The following FAT3 variants were observed in gnomAD, a reference collection of about 807,000 sequenced individuals.
FAT3 encodes the protein FAT atypical cadherin 3.
Under a neutral mutation model 310.2 loss-of-function variants are expected in FAT3, and 95 were observed. The ratio of observed to expected loss-of-function variants is 0.31; its 90% CI spans 0.26 to 0.36. The LOEUF is 0.36. FAT3 is among the 10% of genes least tolerant of loss of function. FAT3 has a pLI of 1.00. For missense variants in FAT3, 5,408 were observed against 5,715.6 expected (o/e 0.95, Z 1.74); for synonymous variants, 2,314 against 2,192.9 (o/e 1.06, Z -1.54).
At chr11:92,283,714 A>G (rs1385184684) in intron 1 of FAT3, among the ~76,000 whole-genome samples, 2 of 152,172 alleles carry the variant, frequency 1.3e-5, no homozygotes, top group Non-Finnish European at 2.9e-5. Context: ...AGCATTTGTT[A>G]AAGTGGCCCG....
At chr11:92,700,284 C>T (rs190353183) in intron 4 of FAT3, among the ~76,000 whole-genome samples, 27 of 151,960 alleles carry the variant, frequency 1.8e-4, no homozygotes, top group Non-Finnish European at 2.5e-4. Context: ...GGGATGGGAG[C>T]GGAGGTTATA....
intron 2 of FAT3, among the ~76,000 whole-genome samples, chr11:92,375,540 C>A (rs1949318292): frequency 8.5e-6 from 1 of 117,112 alleles, no homozygotes; most frequent in African/African-American, 4.8e-5. Flanking sequence ...TTTCCCTTAG[C>A]CCCAGGGATA....
chr11:92,447,155 G>A (rs1365377035), intron 2 of FAT3, among the ~76,000 whole-genome samples: 1 of 151,834 alleles, frequency 6.6e-6, no homozygotes, highest in Non-Finnish European at 1.5e-5. Flanking sequence ...TGTGCCATAT[G>A]TGTGTATGTA....
chr11:92,730,321 G>C (rs1019115652), intron 4 of FAT3, among the ~76,000 whole-genome samples: 1 of 152,186 alleles, frequency 6.6e-6, no homozygotes, highest in South Asian at 2.1e-4. Context: ...CTGAGAGACA[G>C]AGTGAGATCG....
Position 92,866,747 on chromosome 11 carries a change from G to A in FAT3, c.11665G>A (p.Asp3889Asn), listed in dbSNP as rs2136346887. 6.2e-7 allele frequency: 1 copy of A among 1,612,468 alleles called. No individual in the cohort carries two copies. The highest frequency in any genetic ancestry group is 1.1e-5 in the South Asian group (1 of 90,940). ...ANPCIILKIV[D>N]GKLWFQLDCG... is the part of the protein sequence containing the mutation. Reference sequence around the variant, plus strand: ...CTGTTCCTTCCCCACGCAGATTGTGGATGGCAAGCTGTGGTTCCAGCTGGA... The same window carrying A: ...CTGTTCCTTCCCCACGCAGATTGTGAATGGCAAGCTGTGGTTCCAGCTGGA... The change falls in exon 22 of 28, where the codon GAT becomes AAT. Residue 3889 changes from aspartate to asparagine, a missense_variant. By Grantham distance (23) the Asp-to-Asn change is conservative (BLOSUM62 1). This residue lies in a region of FAT3 where 4,588 missense variants were observed against 4,809.8 expected (regional missense o/e 0.95). Coordinates refer to ENST00000525166, the MANE Select transcript of FAT3 (RefSeq NM_001367949.2).
At chr11:92,555,344 G>A (rs1310152357) in intron 3 of FAT3, among the ~76,000 whole-genome samples, 1 of 152,212 alleles carries the variant, frequency 6.6e-6, no homozygotes, top group African/African-American at 2.4e-5. Context: ...GTAATATTAT[G>A]TAACTTTGCA....
chr11:92,861,921 C>T (rs143322873), intron 21 of FAT3, among the ~76,000 whole-genome samples: 4 of 152,260 alleles, frequency 2.6e-5, no homozygotes, highest in East Asian at 1.9e-4. Context: ...GGGTGAAGGG[C>T]GCCCCTTACA....
rs185991630 is a variant in FAT3, at chr11:92,747,336, G to A, written c.3670-14520G>A. ...ACCCTCTGAAGCAATGGCCTGAGCT[G>A]TATGTTGGCCCCTTTTAGCCATGGC... On this transcript the variant is annotated intron_variant, in intron 4 of 27. Coordinates refer to ENST00000525166, the MANE Select transcript of FAT3 (RefSeq NM_001367949.2). 2.0e-4 allele frequency among the ~76,000 whole-genome samples: 31 copies of A among 152,362 alleles called. No homozygotes were observed. The East Asian group carries it at 4.6e-3, about 23-fold the overall frequency.
chr11:92,655,711 T>C (rs1055514952), intron 3 of FAT3, among the ~76,000 whole-genome samples: 1 of 152,182 alleles, frequency 6.6e-6, no homozygotes, highest in African/African-American at 2.4e-5. Context: ...GCCTTGAATA[T>C]GGCTCTTACC....
intron 3 of FAT3, among the ~76,000 whole-genome samples, chr11:92,562,305 C>A (rs1482958358): frequency 6.6e-6 from 1 of 152,084 alleles, no homozygotes; most frequent in Non-Finnish European, 1.5e-5. Context: ...CTTATGGAAG[C>A]TATCCTATCT....
At position 92,882,862 on chromosome 11, in the gene FAT3, C is replaced by CA. The variant is rs1209614861; in HGVS notation, c.12406_12407insA (p.Arg4136GlnfsTer67). The CA allele has an allele frequency of 1.2e-6, 2 of 1,611,722 alleles. No individual in the cohort carries two copies. The highest frequency in any genetic ancestry group is 1.7e-6 in the Non-Finnish European group (2 of 1,179,186). On this transcript the variant is annotated frameshift_variant, in exon 24 of 28. Transcript: ENST00000525166. LOFTEE classifies it high-confidence loss of function. ...CTACGTGGGCCAGTACTGCGGGCTGCGCCCCGTGGTGGTACCCAATATCCA... is the reference window on the plus strand; with the variant it reads ...CTACGTGGGCCAGTACTGCGGGCTGCAGCCCCGTGGTGGTACCCAATATCCA...
chr11:92,576,065 G>A (rs1268117175), intron 3 of FAT3, among the ~76,000 whole-genome samples: 1 of 152,124 alleles, frequency 6.6e-6, no homozygotes, highest in Non-Finnish European at 1.5e-5. Flanking sequence ...TATAATCTCT[G>A]CCAGTGTAGG....
At chr11:92,504,817 C>G (rs147413308) in intron 2 of FAT3, among the ~76,000 whole-genome samples, 1 of 152,050 alleles carries the variant, frequency 6.6e-6, no homozygotes, top group East Asian at 1.9e-4. Context: ...AGACATTGCT[C>G]TCCTGTAAAA....
intron 2 of FAT3, among the ~76,000 whole-genome samples, chr11:92,410,321 T>A (rs1055716672): frequency 6.6e-6 from 1 of 152,058 alleles, no homozygotes; most frequent in African/African-American, 2.4e-5. Flanking sequence ...TGTGTATGTG[T>A]GTGCACGCGA....
intron 3 of FAT3, among the ~76,000 whole-genome samples, chr11:92,627,757 T>A (rs1941391102): frequency 6.6e-6 from 1 of 152,176 alleles, no homozygotes; most frequent in Non-Finnish European, 1.5e-5. Context: ...CCACTTCCTC[T>A]AACAGTCAGT....
intron 3 of FAT3, among the ~76,000 whole-genome samples, chr11:92,537,672 A>G (rs1001968234): frequency 1.3e-5 from 2 of 152,156 alleles, no homozygotes; most frequent in Non-Finnish European, 2.9e-5. Context: ...ACAACAGACA[A>G]ACTCTGATAG....
chr11:92,790,993 G>A (rs933841605), intron 8 of FAT3, among the ~76,000 whole-genome samples: 7 of 152,114 alleles, frequency 4.6e-5, no homozygotes, highest in Non-Finnish European at 8.8e-5. Context: ...TGCACTGATT[G>A]GCTTTAAAAT....
At chr11:92,266,988 A>G (rs1219528958) in intron 1 of FAT3, among the ~76,000 whole-genome samples, 1 of 152,160 alleles carries the variant, frequency 6.6e-6, no homozygotes, top group African/African-American at 2.4e-5. Context: ...ATCTTCTGAA[A>G]GAACTTTGGA....
At chr11:92,823,322 A>G (rs1237100929) in intron 13 of FAT3, among the ~76,000 whole-genome samples, 1 of 152,200 alleles carries the variant, frequency 6.6e-6, no homozygotes, top group Non-Finnish European at 1.5e-5. Context: ...ACACTTAATC[A>G]TCCCAGGTGT....
Sources: allele counts gnomAD v4.1 joint callset (sites outside exome capture counted in the v4.1 genomes callset), GRCh38; gene constraint gnomAD v4.1.1; regional missense constraint gnomAD v4.1.1; transcripts MANE v1.5; gene names NCBI Gene and HGNC (gene_info 2026-07-23, HGNC 2026-07-21).